The following CYSRT1 variants were observed in gnomAD, a reference collection of about 807,000 sequenced individuals.
The protein encoded by CYSRT1 is cysteine-rich tail protein 1.
A neutral mutation model predicts 6.2 loss-of-function variants in CYSRT1; 7 were observed. The ratio of observed to expected loss-of-function variants is 1.13; its 90% confidence interval spans 0.64 to 2.13. The LOEUF (loss-of-function observed/expected upper bound fraction) is 2.13, where lower values mean the gene tolerates loss of function less well. Ranked by LOEUF, CYSRT1 falls within the 30% of genes most tolerant of loss-of-function variation. The pLI is 0.00. For synonymous variants in CYSRT1, 75 were observed against 83.1 expected (o/e 0.90, Z 0.53); for missense variants, 188 against 196.4 (o/e 0.96, Z 0.26).
At chr9:137,225,470 T>C (rs1245869041) in intron 1 of CYSRT1, 144 bp from the exon 2 acceptor site, 37 of 1,432,096 alleles carry the variant, frequency 2.6e-5, no homozygotes, top group Non-Finnish European at 3.3e-5. Flanking sequence ...TTGGAGGTGA[T>C]GGCACCCCGG....
At position 137,225,980 on chromosome 9, in the gene CYSRT1, GCTGCCCCTGCTGCCACTGCTGCCA is replaced by G; in HGVS notation, c.367_390del (p.Cys123_Pro130del). ...GATGACATCGCCCACCACTGCTGCT[GCTGCCCCTGCTGCCACTGCTGCCA>G]CTGCCCCCCCTTCTGCCGCTGCCAC... On this transcript the variant is annotated inframe_deletion, in exon 2 of 2. Transcript: ENST00000650725. 6.5e-7 allele frequency: 1 copy of G among 1,546,672 alleles called. No individual in the cohort carries two copies.
chr9:137,225,466 G>A (rs1835949897), intron 1 of CYSRT1, 148 bp from the exon 2 acceptor site: 3 of 1,428,180 alleles, frequency 2.1e-6, no homozygotes, highest in Non-Finnish European at 1.8e-6. Flanking sequence ...ACATTTGGAG[G>A]TGATGGCACC....
rs905966837 is a variant in CYSRT1, at chr9:137,226,014, C to A, written c.393C>A (p.Pro131=). The A allele has an allele frequency of 9.7e-6, 15 of 1,549,168 alleles. No homozygotes were observed. The highest frequency in any genetic ancestry group is 1.3e-5 in the Non-Finnish European group (15 of 1,146,838). ...GCTGCCACTGCTGCCACTGCCCCCC[C>A]TTCTGCCGCTGCCACAGCTGCTGCT... ...CPCCHCCHCP[P]FCRCHSCCCC... is the part of the protein sequence containing the mutation. Residue 131 remains proline (P), a synonymous_variant, in exon 2 of 2, where the codon CCC becomes CCA. Transcript: ENST00000650725.
rs1409361037 is a variant in CYSRT1, at chr9:137,226,170, C to T, written c.*114C>T. ...GTTGTCATGGGCGTCTGCCCCTTCA[C>T]ACCAGGCACTGGGGCTCAGACCCAC... On this transcript the variant is annotated 3_prime_UTR_variant, in exon 2 of 2. Coordinates refer to ENST00000650725, the MANE Select transcript of CYSRT1 (RefSeq NM_199001.5). 2.0e-6 allele frequency: 3 copies of T among 1,471,452 alleles called. No homozygotes were observed. The highest frequency in any genetic ancestry group is 2.7e-6 in the Non-Finnish European group (3 of 1,101,368). The allele number at this position is 1,471,452 out of a possible 1,614,324, so 91.1% of individuals were successfully genotyped here.
Position 137,226,257 on chromosome 9 carries a change from G to A in CYSRT1, c.*201G>A. 1.0e-6 allele frequency: 1 copy of A among 970,334 alleles called. No individual in the cohort carries two copies. The highest frequency in any genetic ancestry group is 1.7e-5 in the African/African-American group (1 of 60,196). 60.1% of individuals were successfully genotyped at this position (970,334 alleles called of 1,614,324 possible). A position where few individuals can be genotyped will look rare whatever the true frequency, so the allele number is the denominator to read the frequency against. The stretch of plus-strand genomic sequence containing the variant: ...GAATCCCAGGTCCTGGCTGGAGAGG[G>A]ACACCCCTGATTACCTTAAGGCCCA... On this transcript the variant is annotated 3_prime_UTR_variant, in exon 2 of 2. Transcript: ENST00000650725.
At position 137,225,182 on chromosome 9, in the gene CYSRT1, G is replaced by A; in HGVS notation, c.-60G>A. 1 of 1,550,432 alleles carries A rather than the reference G, an allele frequency of 6.4e-7. No homozygotes were observed. Among genetic ancestry groups the A allele is most frequent in the Non-Finnish European group, 8.7e-7 (1 of 1,146,944 alleles). On this transcript the variant is annotated 5_prime_UTR_variant, in exon 1 of 2. Transcript: ENST00000650725. ...TGCCAGTCGCTCAACTCAGGCACTGGGACCTAGAGCTCAGAAGACCGAGAG... is the reference window on the plus strand; with the variant it reads ...TGCCAGTCGCTCAACTCAGGCACTGAGACCTAGAGCTCAGAAGACCGAGAG...
rs771098597 is a variant in CYSRT1, at chr9:137,225,212, G to A, written c.-30G>A. 2 of 1,550,396 alleles carry A rather than the reference G, an allele frequency of 1.3e-6. No individual in the cohort carries two copies. The highest frequency in any genetic ancestry group is 1.7e-6 in the Non-Finnish European group (2 of 1,146,894). On this transcript the variant is annotated 5_prime_UTR_variant, in exon 1 of 2. Coordinates refer to ENST00000650725, the MANE Select transcript of CYSRT1 (RefSeq NM_199001.5). ...TAGAGCTCAGAAGACCGAGAGGACA[G>A]ACTGCCGTGTTGCCACCACAGGTAA...
At position 137,226,156 on chromosome 9, in the gene CYSRT1, C is replaced by T. The variant is rs1011595433; in HGVS notation, c.*100C>T. 1.6e-5 allele frequency: 24 copies of T among 1,481,066 alleles called. No individual in the cohort carries two copies. In the African/African-American group the frequency reaches 1.8e-4, roughly 11 times the overall value. The allele number at this position is 1,481,066 out of a possible 1,614,324, so 91.7% of individuals were successfully genotyped here. Reference sequence around the variant, plus strand: ...CATGCGGGGTGGCTGTTGTCATGGGCGTCTGCCCCTTCACACCAGGCACTG... The same window carrying T: ...CATGCGGGGTGGCTGTTGTCATGGGTGTCTGCCCCTTCACACCAGGCACTG... On this transcript the variant is annotated 3_prime_UTR_variant, in exon 2 of 2. Transcript: ENST00000650725.
Position 137,225,212 on chromosome 9 carries a change from G to T in CYSRT1, c.-30G>T, listed in dbSNP as rs771098597. On this transcript the variant is annotated 5_prime_UTR_variant, in exon 1 of 2. Transcript: ENST00000650725. The stretch of plus-strand genomic sequence containing the variant: ...TAGAGCTCAGAAGACCGAGAGGACA[G>T]ACTGCCGTGTTGCCACCACAGGTAA... 1.4e-5 allele frequency: 21 copies of T among 1,550,396 alleles called. No homozygotes were observed. In the East Asian group the frequency reaches 1.5e-4, roughly 11 times the overall value.
chr9:137,225,363 G>A, intron 1 of CYSRT1, 130 bp downstream of exon 1: 2 of 1,126,582 alleles, frequency 1.8e-6, no homozygotes, highest in Non-Finnish European at 2.5e-6. Context: ...CCAGGGGAGG[G>A]GGAGGATCCC....
At position 137,225,790 on chromosome 9, in the gene CYSRT1, C is replaced by G. The variant is rs763305937; in HGVS notation, c.169C>G (p.Leu57Val). The G allele has an allele frequency of 1.1e-5, 17 of 1,549,802 alleles. No homozygotes were observed. The South Asian group carries it at 1.4e-4, about 13-fold the overall frequency. ...VGPCAPEPTHLLQPTEVPGPK... is the reference protein window; with the variant it reads ...VGPCAPEPTHVLQPTEVPGPK... ...GCCCTGTGCCCCAGAGCCAACCCAC[C>G]TCTTGCAGCCGACCGAGGTCCCAGG... Residue 57 changes from leucine to valine, a missense_variant, in exon 2 of 2, where the codon CTC (leucine) becomes GTC (valine). By Grantham distance (32) the Leu-to-Val change is conservative (BLOSUM62 1). Transcript: ENST00000650725.
Position 137,225,928 on chromosome 9 carries a change from G to A in CYSRT1, c.307G>A (p.Ala103Thr), listed in dbSNP as rs1203685300. Residue 103 changes from alanine (A) to threonine (T), a missense_variant, in exon 2 of 2, where the codon GCT becomes ACT. Physicochemically the swap from Ala to Thr is moderately conservative, Grantham distance 58. Coordinates refer to ENST00000650725, the MANE Select transcript of CYSRT1 (RefSeq NM_199001.5). The part of the protein sequence containing the change: ...SSQRQAGLTY[A>T]GPPPAGRGDD... ...TCAGCGCCAGGCCGGACTGACCTAC[G>A]CTGGCCCTCCGCCCGCGGGGCGCGG... The A allele has an allele frequency of 1.6e-5, 24 of 1,546,712 alleles. No individual in the cohort carries two copies. The highest frequency in any genetic ancestry group is 2.0e-5 in the Non-Finnish European group (23 of 1,146,566).
chr9:137,225,581 G>A (rs753085142), intron 1 of CYSRT1, 33 bp from the exon 2 acceptor site: 10 of 1,531,772 alleles, frequency 6.5e-6, no homozygotes, highest in Admixed American at 4.1e-5. Context: ...ACTCCACTGA[G>A]TTCATGTCTG....
At position 137,226,022 on chromosome 9, in the gene CYSRT1, G is replaced by T; in HGVS notation, c.401G>T (p.Arg134Leu). ...TGCTGCCACTGCCCCCCCTTCTGCC[G>T]CTGCCACAGCTGCTGCTGCTGTGTC... ...CHCCHCPPFC[R>L]CHSCCCCVIS The change falls in exon 2 of 2, where the codon CGC becomes CTC. Residue 134 changes from arginine (R) to leucine (L), a missense_variant. By Grantham distance (102) the Arg-to-Leu change is moderately radical. Coordinates refer to ENST00000650725, the MANE Select transcript of CYSRT1 (RefSeq NM_199001.5). 6.5e-7 allele frequency: 1 copy of T among 1,548,830 alleles called. No homozygotes were observed. Among genetic ancestry groups the T allele is most frequent in the Non-Finnish European group, 8.7e-7 (1 of 1,146,790 alleles).
rs1835970483 is a variant in CYSRT1 at position 137,226,124 on chromosome 9, G to GC, written c.*70dup. On this transcript the variant is annotated 3_prime_UTR_variant, in exon 2 of 2. Coordinates refer to ENST00000650725, the MANE Select transcript of CYSRT1 (RefSeq NM_199001.5). Reference sequence around the variant, plus strand: ...TGTGGCTCACACAGTGCCGGGACATGCCGGGACATGCGGGGTGGCTGTTGT... The same window carrying GC: ...TGTGGCTCACACAGTGCCGGGACATGCCCGGGACATGCGGGGTGGCTGTTGT... 2.0e-6 allele frequency: 3 copies of GC among 1,506,920 alleles called. No individual in the cohort carries two copies. In the Admixed American group the frequency reaches 6.1e-5, roughly 31 times the overall value. The allele number at this position is 1,506,920 out of a possible 1,614,324, so 93.3% of individuals were successfully genotyped here.
chr9:137,225,672 C>T lies in CYSRT1; in HGVS notation c.51C>T (p.Ile17=). The change falls in exon 2 of 2, where the codon ATC becomes ATT. Residue 17 remains isoleucine, a synonymous_variant. Coordinates refer to ENST00000650725, the MANE Select transcript of CYSRT1 (RefSeq NM_199001.5). ...AGAACCCATATGCCCACATCAGCATCCCCCGGGCTCACCTGCGGCCTGACC... is the reference window on the plus strand; with the variant it reads ...AGAACCCATATGCCCACATCAGCATTCCCCGGGCTCACCTGCGGCCTGACC... ...VVKNPYAHIS[I]PRAHLRPDLG... 6.4e-7 allele frequency: 1 copy of T among 1,550,422 alleles called. No homozygotes were observed.
At position 137,225,927 on chromosome 9, in the gene CYSRT1, C is replaced by T. The variant is rs536786345; in HGVS notation, c.306C>T (p.Tyr102=). The T allele has an allele frequency of 1.2e-5, 19 of 1,546,858 alleles. No homozygotes were observed. Among genetic ancestry groups the T allele is most frequent in the African/African-American group, 4.1e-5 (3 of 73,164 alleles). ...SSSQRQAGLT[Y]AGPPPAGRGD... ...GTCAGCGCCAGGCCGGACTGACCTA[C>T]GCTGGCCCTCCGCCCGCGGGGCGCG... is the stretch of plus-strand genomic sequence containing the variant. Residue 102 remains tyrosine, a synonymous_variant, in exon 2 of 2, where the codon TAC becomes TAT. Coordinates refer to ENST00000650725, the MANE Select transcript of CYSRT1 (RefSeq NM_199001.5).
intron 1 of CYSRT1, 44 bp from the exon 2 acceptor site, chr9:137,225,570 C>G: frequency 6.6e-7 from 1 of 1,505,046 alleles, no homozygotes; most frequent in Non-Finnish European, 8.9e-7. Context: ...GCAGCCATCC[C>G]ACTCCACTGA....
chr9:137,226,269 T>G lies in CYSRT1; in HGVS notation c.*213T>G, dbSNP rs1469996338. On this transcript the variant is annotated 3_prime_UTR_variant, in exon 2 of 2. Coordinates refer to ENST00000650725, the MANE Select transcript of CYSRT1 (RefSeq NM_199001.5). Reference sequence around the variant, plus strand: ...CTGGCTGGAGAGGGACACCCCTGATTACCTTAAGGCCCAGGCAATAAAGCA... The same window carrying G: ...CTGGCTGGAGAGGGACACCCCTGATGACCTTAAGGCCCAGGCAATAAAGCA... 1.4e-5 allele frequency: 12 copies of G among 840,628 alleles called. No homozygotes were observed. The highest frequency in any genetic ancestry group is 2.0e-5 in the Non-Finnish European group (11 of 549,966). 52.1% of individuals were successfully genotyped at this position (840,628 alleles called of 1,614,324 possible). A position where few individuals can be genotyped will look rare whatever the true frequency, so the allele number is the denominator to read the frequency against.
Sources: gnomAD v4.1 joint callset for allele counts on GRCh38, gnomAD v4.1.1 for gene constraint, MANE v1.5 for transcripts, NCBI Gene and HGNC (gene_info 2026-07-23, HGNC 2026-07-21) for gene names.